The following KLHL36 variants were observed in gnomAD, a reference collection of about 807,000 sequenced individuals.
KLHL36 encodes the protein kelch like family member 36, also known as kelch-like protein 36.
Under a neutral mutation model 53.3 loss-of-function variants are expected in KLHL36, and 35 were observed. The ratio of observed to expected loss-of-function variants is 0.66; its 90% CI spans 0.50 to 0.87. The LOEUF is 0.87. KLHL36 is among the 40% of genes least tolerant of loss of function. KLHL36 has a pLI of 0.00. For missense variants in KLHL36, 864 were observed against 897.6 expected (o/e 0.96, Z 0.48); for synonymous variants, 472 against 398.9 (o/e 1.18, Z -2.18).
At position 84,667,214 on chromosome 16, in the gene KLHL36, A is replaced by G. The variant is rs1409358184; in HGVS notation, c.*5081A>G. 2 of 152,212 alleles carry G rather than the reference A, an allele frequency of 1.3e-5. No homozygotes were observed. The highest frequency in any genetic ancestry group is 3.8e-4 in the East Asian group (2 of 5,196). The allele number at this position is 152,212 out of a possible 1,614,324, so 9.4% of individuals were successfully genotyped here. A position where few individuals can be genotyped will look rare whatever the true frequency, so the allele number is the denominator to read the frequency against. On this transcript the variant is annotated 3_prime_UTR_variant, in exon 5 of 5. Coordinates refer to ENST00000564996, the MANE Select transcript of KLHL36 (RefSeq NM_024731.4). ...AAGGACACTCCACCTTTTCAAAGGT[A>G]CTTAAAGCCATCTTTACAGATTGCT...
At position 84,664,175 on chromosome 16, in the gene KLHL36, T is replaced by G. The variant is rs1365506273; in HGVS notation, c.*2042T>G. ...AACTTCTGCCAACTTTGGGATAGCT[T>G]ACCCCCTTCCTATTCGGGAAAGGTT... On this transcript the variant is annotated 3_prime_UTR_variant, in exon 5 of 5. Transcript: ENST00000564996. 1.3e-5 allele frequency: 2 copies of G among 152,346 alleles called. No individual in the cohort carries two copies. The highest frequency in any genetic ancestry group is 4.8e-5 in the African/African-American group (2 of 41,580). 9.4% of individuals were successfully genotyped at this position (152,346 alleles called of 1,614,324 possible).
Position 84,659,881 on chromosome 16 carries a change from A to C in KLHL36, c.1259A>C (p.Lys420Thr). The change falls in exon 4 of 5, where the codon AAG (lysine) becomes ACG (threonine). Residue 420 changes from lysine (K) to threonine (T), a missense_variant. Lys to Thr is a moderately conservative substitution (Grantham distance 78, BLOSUM62 -1). Coordinates refer to ENST00000564996, the MANE Select transcript of KLHL36 (RefSeq NM_024731.4). ...TCTTCAGTAGAGACGTACAGTCCCA[A>C]GACTGACTCCTGGTCCTATGTGGCC... is the stretch of plus-strand genomic sequence containing the variant. ...ALSSVETYSP[K>T]TDSWSYVAGL... The C allele has an allele frequency of 6.2e-7, 1 of 1,613,502 alleles. No homozygotes were observed. The highest frequency in any genetic ancestry group is 8.5e-7 in the Non-Finnish European group (1 of 1,179,466).
intron 2 of KLHL36, among the ~76,000 whole-genome samples, chr16:84,653,488 G>A (rs1794919998): frequency 1.3e-5 from 2 of 152,060 alleles, no homozygotes; most frequent in Non-Finnish European, 2.9e-5. Flanking sequence ...TAGGCCAGGC[G>A]CAGTGGCTCA....
intron 3 of KLHL36, 143 bp downstream of exon 3, chr16:84,658,087 T>C (rs2150725841): frequency 1.5e-6 from 1 of 665,912 alleles, no homozygotes; most frequent in South Asian, 2.6e-5. Flanking sequence ...ACGAGCAGAA[T>C]ACCCCGGGGC....
chr16:84,651,587 T>A (rs1375165657), intron 2 of KLHL36, among the ~76,000 whole-genome samples: 1 of 152,186 alleles, frequency 6.6e-6, no homozygotes, highest in Non-Finnish European at 1.5e-5. Context: ...TGGTAACCTG[T>A]TTCCCCGTTA....
At chr16:84,655,539 CA>C (rs1907149800) in intron 2 of KLHL36, among the ~76,000 whole-genome samples, 1 of 151,574 alleles carries the variant, frequency 6.6e-6, no homozygotes, top group South Asian at 2.1e-4. Flanking sequence ...CTCGTCTCTA[CA>C]AAAAAATTTT....
Position 84,657,083 on chromosome 16 carries a change from C to T in KLHL36, c.276C>T (p.Ala92=). 6.2e-7 allele frequency: 1 copy of T among 1,614,214 alleles called. No homozygotes were observed. The stretch of plus-strand genomic sequence containing the variant: ...AGAAGGAGGTGGAGCTGATCGGCGC[C>T]TCCTACATTGGGCTCAAGGCCGTGG... The part of the protein sequence containing the change: ...AFQKEVELIG[A]SYIGLKAVVD... The change falls in exon 3 of 5, where the codon GCC becomes GCT. Residue 92 remains alanine (A), a synonymous_variant. Coordinates refer to ENST00000564996, the MANE Select transcript of KLHL36 (RefSeq NM_024731.4).
intron 3 of KLHL36, chr16:84,659,234 C>G (rs1907401514): frequency 6.6e-6 from 1 of 152,508 alleles, no homozygotes; most frequent in Non-Finnish European, 1.5e-5. Context: ...ACTCCGTGAC[C>G]TCAGGTAATC....
rs2150731924 is a variant in KLHL36 at position 84,664,837 on chromosome 16, A to C, written c.*2704A>C. 6.6e-6 allele frequency: 1 copy of C among 152,380 alleles called. No homozygotes were observed. Among genetic ancestry groups the C allele is most frequent in the Non-Finnish European group, 1.5e-5 (1 of 68,064 alleles). 9.4% of individuals were successfully genotyped at this position (152,380 alleles called of 1,614,324 possible). On this transcript the variant is annotated 3_prime_UTR_variant, in exon 5 of 5. Transcript: ENST00000564996. ...AAAATGGAAGAGACCATGCCTGGGC[A>C]ACATGGCAAAACCCCATCTCTACAA...
In KLHL36 at chr16:84,662,135, C is replaced by G; in HGVS notation, c.*2C>G. The G allele has an allele frequency of 1.3e-6, 2 of 1,516,778 alleles. No individual in the cohort carries two copies. The highest frequency in any genetic ancestry group is 1.7e-4 in the Middle Eastern group (1 of 5,854). The allele number at this position is 1,516,778 out of a possible 1,614,324, so 94.0% of individuals were successfully genotyped here. A position where few individuals can be genotyped will look rare whatever the true frequency, so the allele number is the denominator to read the frequency against. ...AGGCACCAGGACCGGGGCCAGTGAC[C>G]CTAGCTGCGCCTCTTGGGACCATCC... On this transcript the variant is annotated 3_prime_UTR_variant, in exon 5 of 5. Coordinates refer to ENST00000564996, the MANE Select transcript of KLHL36 (RefSeq NM_024731.4).
In KLHL36 at chr16:84,661,892, G is replaced by A; in HGVS notation, c.1610G>A (p.Ser537Asn). The change falls in exon 5 of 5, where the codon AGC (serine) becomes AAC (asparagine). Residue 537 changes from serine to asparagine, a missense_variant. By Grantham distance (46) the Ser-to-Asn change is conservative. Coordinates refer to ENST00000564996, the MANE Select transcript of KLHL36 (RefSeq NM_024731.4). This position sits in a 1 kb window ranked among gnomAD's most constrained non-coding sequence, Gnocchi z 7.9. The stretch of plus-strand genomic sequence containing the variant: ...GTGGCGCCGCTGCTGCACGCCAACA[G>A]CGAGTCGGGCGTGGCAGTGTGGGAG... ...TRVAPLLHANSESGVAVWEGR... is the reference protein window; with the variant it reads ...TRVAPLLHANNESGVAVWEGR... 6.3e-7 allele frequency: 1 copy of A among 1,599,556 alleles called. No homozygotes were observed.
At chr16:84,658,804 C>G (rs943347356) in intron 3 of KLHL36, 1 of 151,916 alleles carries the variant, frequency 6.6e-6, no homozygotes, top group Non-Finnish European at 1.5e-5. Flanking sequence ...GTTCTCAGCT[C>G]AAAACCCAGT....
rs145678567 is a variant in KLHL36 at position 84,650,839 on chromosome 16, G to A, written c.-16-13G>A. On this transcript the variant is annotated splice_polypyrimidine_tract_variant and intron_variant, in intron 1 of 4. Transcript: ENST00000564996. Reference sequence around the variant, plus strand: ...TTATGACTGCATGCTCAGAAATCCTGTTCTTCTCCTAGGGCTGAAATCTCT... The same window carrying A: ...TTATGACTGCATGCTCAGAAATCCTATTCTTCTCCTAGGGCTGAAATCTCT... 2 of 1,599,804 alleles carry A rather than the reference G, an allele frequency of 1.3e-6. No homozygotes were observed. Among genetic ancestry groups the A allele is most frequent in the South Asian group, 1.1e-5 (1 of 90,234 alleles).
chr16:84,665,510 G>T lies in KLHL36; in HGVS notation c.*3377G>T, dbSNP rs1262713207. 1.3e-5 allele frequency: 2 copies of T among 152,208 alleles called. No homozygotes were observed. Among genetic ancestry groups the T allele is most frequent in the Non-Finnish European group, 2.9e-5 (2 of 68,034 alleles). The allele number at this position is 152,208 out of a possible 1,614,324, so 9.4% of individuals were successfully genotyped here. On this transcript the variant is annotated 3_prime_UTR_variant, in exon 5 of 5. Transcript: ENST00000564996. ...ATGCACAGAGATTATTTTATCAACT[G>T]TGGTTAGCACGCAATTGGTATTTTT...
chr16:84,654,243 T>C (rs1213957128), intron 2 of KLHL36, among the ~76,000 whole-genome samples: 2 of 152,226 alleles, frequency 1.3e-5, no homozygotes, highest in Non-Finnish European at 2.9e-5. Flanking sequence ...GCTAAGCCTG[T>C]ACTATGACTT....
rs1907327742 is a variant in KLHL36, at chr16:84,658,056, A to T, written c.1137+112A>T. ...GCCTTGACAACTATCCTGCTTCTGA[A>T]TGAGGTGTGATGATAAAGTGACGAG... is the stretch of plus-strand genomic sequence containing the variant. On this transcript the variant is annotated intron_variant, in intron 3 of 4. Transcript: ENST00000564996. The T allele has an allele frequency of 3.8e-6, 3 of 795,512 alleles. No individual in the cohort carries two copies. In the South Asian group the frequency reaches 6.6e-5, roughly 17 times the overall value. 49.3% of individuals were successfully genotyped at this position (795,512 alleles called of 1,614,324 possible).
Position 84,655,292 on chromosome 16 carries a change from T to C in KLHL36, c.64-1579T>C, listed in dbSNP as rs145930048. On this transcript the variant is annotated intron_variant, in intron 2 of 4. Transcript: ENST00000564996. ...AAAGTGTCTCAATGACAAACGCATG[T>C]ATGGCAACAAAAAGAAGATTTGAAA... Among the ~76,000 whole-genome samples the C allele has an allele frequency of 1.3e-4, 20 of 152,290 alleles. No homozygotes were observed. In the East Asian group the frequency reaches 3.7e-3, roughly 28 times the overall value.
Position 84,657,158 on chromosome 16 carries a change from C to T in KLHL36, c.351C>T (p.Asp117=), listed in dbSNP as rs1907255278. The T allele has an allele frequency of 3.7e-6, 6 of 1,614,158 alleles. No homozygotes were observed. Among genetic ancestry groups the T allele is most frequent in the Non-Finnish European group, 5.1e-6 (6 of 1,180,038 alleles). The change falls in exon 3 of 5, where the codon GAC becomes GAT. Residue 117 remains aspartate, a synonymous_variant. Transcript: ENST00000564996. ...TGGTGCTGGATGGCGGCAACATTGA[C>T]TACGTCCTGGAGACGGCTCACCTGC... ...GELVLDGGNI[D]YVLETAHLLQ...
At chr16:84,652,504 C>T (rs1409815435) in intron 2 of KLHL36, among the ~76,000 whole-genome samples, 1 of 152,092 alleles carries the variant, frequency 6.6e-6, no homozygotes, top group Non-Finnish European at 1.5e-5. Context: ...CTCTTGACCT[C>T]GTGACCCGCC....
Sources: gnomAD v4.1 joint callset for allele counts (sites outside exome capture counted in the v4.1 genomes callset) on GRCh38, gnomAD v4.1.1 for gene constraint, Gnocchi (gnomAD v3.1) non-coding constraint, MANE v1.5 for transcripts, NCBI Gene and HGNC (gene_info 2026-07-23, HGNC 2026-07-21) for gene names.